ATP10B: variants seen among roughly 807,000 people sequenced by gnomAD.
ATP10B encodes ATPase phospholipid transporting 10B (putative), also known as phospholipid-transporting ATPase VB.
A neutral mutation model predicts 141.2 loss-of-function variants in ATP10B; 122 were observed. The observed-to-expected ratio is 0.86, with a 90% CI of 0.75 to 1.00. The LOEUF (loss-of-function observed/expected upper bound fraction) is 1.00. ATP10B is among the 50% of genes least tolerant of loss of function. The probability of loss-of-function intolerance (pLI) is 0.00; values close to 1 mark genes in which losing one functional copy is unlikely to be tolerated. For missense variants in ATP10B, 1,876 were observed against 1,825.3 expected, an observed-to-expected ratio of 1.03 and a Z score of -0.51; for synonymous variants, 685 against 692.0, an observed-to-expected ratio of 0.99 and a Z score of 0.16.
the ATP10B span, among the ~76,000 whole-genome samples, chr5:160,887,495 G>T: frequency 6.6e-6 from 1 of 152,142 alleles, no homozygotes; most frequent in South Asian, 2.1e-4. Context: ...TAAAACACAA[G>T]TGAGACCTCA....
intron 24 of ATP10B, among the ~76,000 whole-genome samples, chr5:160,575,572 A>G (rs1755141606): frequency 6.6e-6 from 1 of 152,168 alleles, no homozygotes; most frequent in African/African-American, 2.4e-5. Flanking sequence ...CATATCTGTA[A>G]TTAAAAAAAG....
chr5:160,674,802 A>G (rs1762924436), intron 6 of ATP10B, among the ~76,000 whole-genome samples: 1 of 152,118 alleles, frequency 6.6e-6, no homozygotes, highest in Non-Finnish European at 1.5e-5. Context: ...ATAGTTCAGT[A>G]GTTTGGCCAG....
chr5:160,662,277 C>T (rs578133581), intron 7 of ATP10B, among the ~76,000 whole-genome samples: 2 of 152,244 alleles, frequency 1.3e-5, no homozygotes, highest in East Asian at 3.9e-4. Context: ...ACTTTCTTCA[C>T]AGAATTGGAA....
At chr5:160,838,272 A>C (rs1775587120) in intron 1 of ATP10B, among the ~76,000 whole-genome samples, 1 of 152,230 alleles carries the variant, frequency 6.6e-6, no homozygotes, top group African/African-American at 2.4e-5. Context: ...CTGTTAAAGT[A>C]GGTCAGGGAG....
At chr5:160,726,938 C>T (rs571272400) in intron 2 of ATP10B, among the ~76,000 whole-genome samples, 5 of 150,962 alleles carry the variant, frequency 3.3e-5, no homozygotes, top group Admixed American at 6.6e-5. Context: ...TGGAAGCCCC[C>T]GGGGGTGGGG....
chr5:160,653,603 ATACATATATACATATATAT>A (rs1163478523), intron 7 of ATP10B, among the ~76,000 whole-genome samples: 1 of 33,348 alleles, frequency 3.0e-5, no homozygotes, highest in South Asian at 8.4e-4. Flanking sequence ...ATATACATAT[ATACATATATACATATATAT>A]TATATATACA....
chr5:160,585,846 C>T (rs1755851299), intron 24 of ATP10B, among the ~76,000 whole-genome samples: 1 of 152,176 alleles, frequency 6.6e-6, no homozygotes, highest in Admixed American at 6.5e-5. Context: ...CATTGTATTG[C>T]AGCCTCTTCT....
In ATP10B at chr5:160,565,721, G is replaced by A. The variant is rs1285793243; in HGVS notation, c.4118C>T (p.Thr1373Ile). ...GGTGCTGGCACTGAAGTCCTGTCCT[G>A]TGATAGATGACACTGGGTGGTGAGT... is the stretch of plus-strand genomic sequence containing the variant. ...RPTHHPVSSI[T>I]GQDFSASTPK... The change falls in exon 26 of 26, where the codon ACA becomes ATA. Residue 1373 changes from threonine to isoleucine, a missense_variant. Transcript: ENST00000327245. 6 of 1,613,982 alleles carry A rather than the reference G, an allele frequency of 3.7e-6. No homozygotes were observed. Among genetic ancestry groups the A allele is most frequent in the Non-Finnish European group, 4.2e-6 (5 of 1,179,992 alleles).
chr5:160,716,673 A>C (rs569171396), intron 3 of ATP10B, among the ~76,000 whole-genome samples: 1 of 152,378 alleles, frequency 6.6e-6, no homozygotes, highest in African/African-American at 2.4e-5. Flanking sequence ...TAAGTGGCTT[A>C]AACAAGGTAG....
At position 160,716,941 on chromosome 5, in the gene ATP10B, C is replaced by G; in HGVS notation, c.-237G>C. On this transcript the variant is annotated 5_prime_UTR_variant, in exon 3 of 26. Transcript: ENST00000327245. ...CGGAGTCCCTTTAAGGAGGTTAGAC[C>G]AGTGACCTTTGCTGTGCCCCTACAG... The G allele has an allele frequency of 1.0e-6, 1 of 985,368 alleles. No individual in the cohort carries two copies. The highest frequency in any genetic ancestry group is 1.7e-5 in the African/African-American group (1 of 57,322). The allele number at this position is 985,368 out of a possible 1,614,324, so 61.0% of individuals were successfully genotyped here.
intron 12 of ATP10B, chr5:160,632,655 C>G (rs1395423927): frequency 3.9e-6 from 1 of 257,160 alleles, no homozygotes; most frequent in Non-Finnish European, 6.9e-6. Flanking sequence ...GTTTCTAACT[C>G]ATAGGGATGT....
intron 8 of ATP10B, among the ~76,000 whole-genome samples, chr5:160,648,899 T>C (rs1439026272): frequency 1.3e-5 from 2 of 150,274 alleles, no homozygotes; most frequent in African/African-American, 2.4e-5. Context: ...CAGAGCACAA[T>C]CTTGATTTTG....
chr5:160,652,121 C>G (rs1760783609), intron 7 of ATP10B, among the ~76,000 whole-genome samples: 1 of 152,128 alleles, frequency 6.6e-6, no homozygotes, highest in Non-Finnish European at 1.5e-5. Flanking sequence ...GGCTTCCTAG[C>G]CACCTCCCTC....
intron 3 of ATP10B, among the ~76,000 whole-genome samples, chr5:160,715,389 C>T (rs1385881745): frequency 2.8e-5 from 4 of 142,664 alleles, no homozygotes; most frequent in East Asian, 2.1e-4. Flanking sequence ...CAGGTGCGTC[C>T]GTCACCCCTT....
At chr5:160,776,638 TAC>T (rs1217197993) in intron 2 of ATP10B, among the ~76,000 whole-genome samples, 1 of 152,244 alleles carries the variant, frequency 6.6e-6, no homozygotes, top group Non-Finnish European at 1.5e-5. Flanking sequence ...CTATGCCTCA[TAC>T]AGACTCTGGG....
At chr5:160,920,839 C>T in the ATP10B span, among the ~76,000 whole-genome samples, 1 of 152,130 alleles carries the variant, frequency 6.6e-6, no homozygotes, top group African/African-American at 2.4e-5. Flanking sequence ...TTCCAGGTGA[C>T]GTCAATGCTG....
intron 2 of ATP10B, among the ~76,000 whole-genome samples, chr5:160,773,102 C>T (rs1472021980): frequency 2.0e-5 from 3 of 152,150 alleles, no homozygotes; most frequent in East Asian, 1.9e-4. Flanking sequence ...CTGTGACCTT[C>T]GGGTTACTTA....
At chr5:160,681,004 A>G (rs564493614) in intron 6 of ATP10B, among the ~76,000 whole-genome samples, 1 of 152,300 alleles carries the variant, frequency 6.6e-6, no homozygotes, top group Non-Finnish European at 1.5e-5. Flanking sequence ...TTAAGATGAC[A>G]CTGAGGAGGG....
chr5:160,778,553 C>T (rs1221811987), intron 2 of ATP10B, among the ~76,000 whole-genome samples: 1 of 152,188 alleles, frequency 6.6e-6, no homozygotes, highest in Non-Finnish European at 1.5e-5. Context: ...ACTTGATTGT[C>T]ATCTAGGAAG....
Sources: allele counts gnomAD v4.1 joint callset (sites outside exome capture counted in the v4.1 genomes callset), GRCh38; gene constraint gnomAD v4.1.1; transcripts MANE v1.5; gene names NCBI Gene and HGNC (gene_info 2026-07-23, HGNC 2026-07-21).